The following LRMDA variants were observed in gnomAD, a reference collection of about 807,000 sequenced individuals.
The protein encoded by LRMDA is leucine-rich melanocyte differentiation-associated protein.
LRMDA carries 18 observed loss-of-function variants against 29.8 expected under a neutral mutation model. The observed-to-expected ratio is 0.60, with a 90% CI of 0.42 to 0.90. The LOEUF is 0.90. Ranked by LOEUF, LRMDA falls within the 40% of genes least tolerant of loss-of-function variation. The probability of loss-of-function intolerance (pLI) is 0.00; values close to 1 mark genes in which losing one functional copy is unlikely to be tolerated. For missense variants in LRMDA, 273 were observed against 273.9 expected (o/e 1.00, Z 0.02); for synonymous variants, 125 against 109.4 (o/e 1.14, Z -0.89).
intron 6 of LRMDA, among the ~76,000 whole-genome samples, chr10:76,371,485 C>T (rs1841453618): frequency 6.6e-6 from 1 of 152,144 alleles, no homozygotes; most frequent in Non-Finnish European, 1.5e-5. Context: ...GAATCATATC[C>T]TAGCTAGTGC....
intron 5 of LRMDA, among the ~76,000 whole-genome samples, chr10:76,226,861 A>G (rs1188290134): frequency 3.3e-5 from 5 of 152,206 alleles, no homozygotes; most frequent in Admixed American, 1.3e-4. Context: ...TGAGACAAAT[A>G]AATCTCTTTT....
chr10:75,684,236 G>A (rs1030713517), intron 2 of LRMDA, among the ~76,000 whole-genome samples: 18 of 152,308 alleles, frequency 1.2e-4, no homozygotes, highest in African/African-American at 4.3e-4. Flanking sequence ...GGTCCATGGA[G>A]TCTCTTTAAG....
intron 2 of LRMDA, among the ~76,000 whole-genome samples, chr10:75,502,882 A>G (rs1460857960): frequency 6.6e-6 from 1 of 152,098 alleles, no homozygotes; most frequent in African/African-American, 2.4e-5. Context: ...TTCCCTGTCC[A>G]GTCCTGCAGT....
intron 2 of LRMDA, among the ~76,000 whole-genome samples, chr10:75,685,805 A>C (rs1307327826): frequency 6.6e-6 from 1 of 152,240 alleles, no homozygotes. Flanking sequence ...AGTATGGGAT[A>C]TGGAAAACAA....
chr10:75,935,139 C>G (rs113405208), intron 2 of LRMDA, among the ~76,000 whole-genome samples: 1 of 152,178 alleles, frequency 6.6e-6, no homozygotes, highest in Non-Finnish European at 1.5e-5. Context: ...TTCCCTTACT[C>G]CTGCCACTGC....
chr10:76,033,017 T>C (rs1313663475), intron 2 of LRMDA, among the ~76,000 whole-genome samples: 1 of 152,132 alleles, frequency 6.6e-6, no homozygotes, highest in African/African-American at 2.4e-5. Context: ...TCTACACACA[T>C]ATTTTTTCTC....
chr10:75,896,507 A>AGGGGCCT (rs1212997275), intron 2 of LRMDA, among the ~76,000 whole-genome samples: 1 of 152,094 alleles, frequency 6.6e-6, no homozygotes, highest in African/African-American at 2.4e-5. Context: ...GGTGTGTCAC[A>AGGGGCCT]GGGGCCTGTG....
chr10:75,924,706 G>T (rs1846088816), intron 2 of LRMDA, among the ~76,000 whole-genome samples: 1 of 152,024 alleles, frequency 6.6e-6, no homozygotes, highest in South Asian at 2.1e-4. Context: ...GAAAGAGGAA[G>T]AGAACATGGC....
chr10:75,657,126 A>G (rs10824330), intron 2 of LRMDA, among the ~76,000 whole-genome samples: 29,351 of 152,184 alleles, frequency 0.19, 6,958 homozygotes, highest in African/African-American at 0.55. Flanking sequence ...GTCCATTTAC[A>G]TACTCAGTCT....
At chr10:75,888,789 T>C (rs1024226931) in intron 2 of LRMDA, among the ~76,000 whole-genome samples, 2 of 152,202 alleles carry the variant, frequency 1.3e-5, no homozygotes, top group Admixed American at 1.3e-4. Context: ...TGTAATATAA[T>C]ATCCTGCTCA....
In LRMDA at chr10:75,473,881, C is replaced by T. The variant is rs543579287; in HGVS notation, c.131+35387C>T. Among the ~76,000 whole-genome samples, 10 of 152,312 alleles carry T rather than the reference C, an allele frequency of 6.6e-5. No individual in the cohort carries two copies. The East Asian group carries it at 1.7e-3, about 26-fold the overall frequency. On this transcript the variant is annotated intron_variant, in intron 2 of 6. Coordinates refer to ENST00000611255, the MANE Select transcript of LRMDA (RefSeq NM_001305581.2). ...TTCTCAGTCTGTGCCCCATCCCTGG[C>T]ATCAACATCACCCAAGGGTTTGTTG...
intron 5 of LRMDA, among the ~76,000 whole-genome samples, chr10:76,186,585 C>T (rs1445663315): frequency 3.9e-5 from 6 of 152,134 alleles, no homozygotes; most frequent in East Asian, 1.9e-4. Flanking sequence ...GACCACCCTC[C>T]GCCTGGCACT....
At chr10:76,321,115 A>G (rs150166465) in intron 5 of LRMDA, among the ~76,000 whole-genome samples, 81 of 152,202 alleles carry the variant, frequency 5.3e-4, no homozygotes, top group African/African-American at 1.8e-3. Context: ...GTTAATTCCA[A>G]TTTCTTCTGT....
chr10:76,292,568 A>T (rs903691823), intron 5 of LRMDA, among the ~76,000 whole-genome samples: 1 of 152,164 alleles, frequency 6.6e-6, no homozygotes, highest in Non-Finnish European at 1.5e-5. Context: ...AAATCTCTGT[A>T]TATTTGTTTC....
At chr10:76,168,527 C>A (rs1850780336) in intron 5 of LRMDA, among the ~76,000 whole-genome samples, 1 of 152,160 alleles carries the variant, frequency 6.6e-6, no homozygotes, top group African/African-American at 2.4e-5. Context: ...ACTTGGCGAA[C>A]TTGGTGATGA....
intron 2 of LRMDA, among the ~76,000 whole-genome samples, chr10:75,960,068 C>T (rs540074733): frequency 6.6e-6 from 1 of 152,318 alleles, no homozygotes; most frequent in South Asian, 2.1e-4. Context: ...TAAATGCCCC[C>T]CTCCTGGCCA....
intron 5 of LRMDA, among the ~76,000 whole-genome samples, chr10:76,258,241 G>T (rs1179341405): frequency 6.6e-6 from 1 of 152,106 alleles, no homozygotes; most frequent in Non-Finnish European, 1.5e-5. Flanking sequence ...AAGTAACATT[G>T]GCAGTAATTT....
chr10:76,351,049 A>G (rs78083087), intron 6 of LRMDA, among the ~76,000 whole-genome samples: 3,916 of 152,208 alleles, frequency 0.026, 64 homozygotes, highest in Non-Finnish European at 0.039. Context: ...GAAAAATGGT[A>G]CAACAAGAAA....
At chr10:76,270,432 A>T (rs1840053168) in intron 5 of LRMDA, 1 of 152,486 alleles carries the variant, frequency 6.6e-6, no homozygotes, top group East Asian at 1.9e-4. Flanking sequence ...TTGGAAAGCC[A>T]GGAGGAAGAC....
Sources: allele counts gnomAD v4.1 joint callset (sites outside exome capture counted in the v4.1 genomes callset), GRCh38; gene constraint gnomAD v4.1.1; transcripts MANE v1.5; gene names NCBI Gene and HGNC (gene_info 2026-07-23, HGNC 2026-07-21).